TTC6: variants seen among roughly 807,000 people sequenced by gnomAD.
The protein encoded by TTC6 is tetratricopeptide repeat domain 6.
Under a neutral mutation model 210.4 loss-of-function variants are expected in TTC6, and 172 were observed. The ratio of observed to expected loss-of-function variants is 0.82; its 90% CI spans 0.72 to 0.93. TTC6 has a LOEUF of 0.93. Among genes scored for constraint, TTC6 ranks in the 40% least tolerant of loss-of-function variants. The probability of loss-of-function intolerance (pLI) is 0.00; values close to 1 mark genes in which losing one functional copy is unlikely to be tolerated. For synonymous variants in TTC6, 804 were observed against 819.6 expected, an observed-to-expected ratio of 0.98 and a Z score of 0.32; for missense variants, 2,414 against 2,318.1, an observed-to-expected ratio of 1.04 and a Z score of -0.85.
chr14:37,827,739 A>G (rs893329064), intron 29 of TTC6: 1 of 158,016 alleles, frequency 6.3e-6, no homozygotes, highest in Non-Finnish European at 1.4e-5. Context: ...GGTAATAAAC[A>G]TATCTATCAG....
chr14:37,644,226 C>A (rs1192815341), intron 1 of TTC6, among the ~76,000 whole-genome samples: 1 of 151,992 alleles, frequency 6.6e-6, no homozygotes, highest in Non-Finnish European at 1.5e-5. Flanking sequence ...GTGGATTAGA[C>A]AGGATGAAAG....
intron 10 of TTC6, among the ~76,000 whole-genome samples, chr14:37,746,479 C>T (rs2139001189): frequency 6.6e-6 from 1 of 152,308 alleles, no homozygotes; most frequent in Non-Finnish European, 1.5e-5. Flanking sequence ...CCTAGGTCTA[C>T]CAAATAAGAG....
intron 13 of TTC6, among the ~76,000 whole-genome samples, chr14:37,751,498 C>G (rs1405292743): frequency 1.3e-5 from 2 of 152,146 alleles, no homozygotes; most frequent in African/African-American, 4.8e-5. Context: ...TTCCAGCTGC[C>G]TCCTCTGGAG....
chr14:37,639,407 C>T (rs915795125), intron 1 of TTC6, among the ~76,000 whole-genome samples: 1 of 152,152 alleles, frequency 6.6e-6, no homozygotes, highest in Admixed American at 6.5e-5. Context: ...TTGTCGTCCT[C>T]ATAGATGTAA....
At chr14:37,626,286 C>T (rs2095660160) in intron 1 of TTC6, among the ~76,000 whole-genome samples, 1 of 152,138 alleles carries the variant, frequency 6.6e-6, no homozygotes, top group Non-Finnish European at 1.5e-5. Flanking sequence ...AGACCACTTT[C>T]CAGATGTTAA....
chr14:37,668,000 TG>T (rs1354584270), intron 1 of TTC6, among the ~76,000 whole-genome samples: 1 of 150,120 alleles, frequency 6.7e-6, no homozygotes, highest in Non-Finnish European at 1.5e-5. Context: ...CCGGGCATGA[TG>T]GTACACACCT....
intron 14 of TTC6, among the ~76,000 whole-genome samples, chr14:37,764,079 G>A (rs1010920205): frequency 4.0e-5 from 6 of 151,802 alleles, no homozygotes; most frequent in Admixed American, 1.3e-4. Context: ...ACGTACTTGT[G>A]AATTTCCCAA....
upstream of TTC6, among the ~76,000 whole-genome samples, chr14:37,620,183 T>C (rs1236070645): frequency 6.6e-6 from 1 of 152,162 alleles, no homozygotes; most frequent in Non-Finnish European, 1.5e-5. Flanking sequence ...TAGGACCATT[T>C]TGGTACAAAG....
chr14:37,624,987 C>CA (rs2095657845), intron 1 of TTC6, among the ~76,000 whole-genome samples: 1 of 152,062 alleles, frequency 6.6e-6, no homozygotes. Context: ...TGGCATGGAT[C>CA]ATGGAGCATT....
At chr14:37,745,657 A>G (rs1478429983) in intron 10 of TTC6, among the ~76,000 whole-genome samples, 1 of 152,214 alleles carries the variant, frequency 6.6e-6, no homozygotes, top group Non-Finnish European at 1.5e-5. Flanking sequence ...CTTGACTTTC[A>G]TAATTCTTTA....
intron 1 of TTC6, among the ~76,000 whole-genome samples, chr14:37,642,927 G>A (rs2139390784): frequency 6.6e-6 from 1 of 152,324 alleles, no homozygotes; most frequent in African/African-American, 2.4e-5. Flanking sequence ...GAGTAAAAAT[G>A]CAGTATAACC....
Position 37,598,903 on chromosome 14 carries a change from T to C in TTC6, c.-235+2895T>C, listed in dbSNP as rs2095609790. ...TTCAGCAACCCAGCCATGCTTGGTG[T>C]GGAGTGGTTCGAGTTCCTCCGCGGG... On this transcript the variant is annotated intron_variant, in intron 1 of 2. Transcript: ENST00000556845. This position sits in a 1 kb window ranked among gnomAD's most constrained non-coding sequence, Gnocchi z 4.9. Among the ~76,000 whole-genome samples, 1 of 152,134 alleles carries C rather than the reference T, an allele frequency of 6.6e-6. No homozygotes were observed. Among genetic ancestry groups the C allele is most frequent in the Admixed American group, 6.5e-5 (1 of 15,286 alleles).
chr14:37,804,545 A>T, intron 20 of TTC6, 135 bp from the exon 23 acceptor site: 1 of 1,174,684 alleles, frequency 8.5e-7, no homozygotes, highest in Non-Finnish European at 1.2e-6. Flanking sequence ...TAACTTCACC[A>T]GGTCTGTTTG....
intron 1 of TTC6, among the ~76,000 whole-genome samples, chr14:37,668,331 A>G (rs560760697): frequency 1.3e-5 from 2 of 150,754 alleles, no homozygotes; most frequent in East Asian, 3.9e-4. Context: ...TTAGTACCAA[A>G]CAATATTACT....
chr14:37,818,397 T>G (rs934568147), intron 26 of TTC6, among the ~76,000 whole-genome samples: 3 of 152,184 alleles, frequency 2.0e-5, no homozygotes, highest in South Asian at 2.1e-4. Flanking sequence ...ATTATTGAGA[T>G]TCAGCCTGCG....
At chr14:37,786,916 G>T (rs1485995671) in intron 14 of TTC6, among the ~76,000 whole-genome samples, 1 of 152,172 alleles carries the variant, frequency 6.6e-6, no homozygotes. Context: ...ATCTAAGTCA[G>T]TGATAATTTC....
intron 27 of TTC6, among the ~76,000 whole-genome samples, chr14:37,825,334 G>A (rs1280957853): frequency 6.6e-6 from 1 of 152,172 alleles, no homozygotes; most frequent in East Asian, 1.9e-4. Context: ...TTTACCCAGA[G>A]AGAGAAGATT....
At chr14:37,626,029 T>C (rs999967006) in intron 1 of TTC6, among the ~76,000 whole-genome samples, 4 of 152,194 alleles carry the variant, frequency 2.6e-5, no homozygotes, top group African/African-American at 4.8e-5. Context: ...TTCTATACAC[T>C]AGATACTAGT....
chr14:37,713,056 A>T (rs2095847101), intron 5 of TTC6, among the ~76,000 whole-genome samples: 1 of 152,132 alleles, frequency 6.6e-6, no homozygotes, highest in Non-Finnish European at 1.5e-5. Context: ...CACTGGCAAC[A>T]TACCACCTTA....
Sources: gnomAD v4.1 joint callset for allele counts (sites outside exome capture counted in the v4.1 genomes callset) on GRCh38, gnomAD v4.1.1 for gene constraint, Gnocchi (gnomAD v3.1) non-coding constraint, MANE v1.5 for transcripts, NCBI Gene and HGNC (gene_info 2026-07-23, HGNC 2026-07-21) for gene names.